The following ADGRL3 variants were observed in gnomAD, a reference collection of about 807,000 sequenced individuals.
ADGRL3 encodes calcium-independent alpha-latrotoxin receptor 3.
In ADGRL3, 62 loss-of-function variants were observed where a neutral mutation model predicts 153.5. The ratio of observed to expected loss-of-function variants is 0.40; its 90% CI spans 0.33 to 0.50. The LOEUF (loss-of-function observed/expected upper bound fraction) is 0.50. Among genes scored for constraint, ADGRL3 ranks in the 20% least tolerant of loss-of-function variants. The probability of loss-of-function intolerance (pLI) is 0.47; values close to 1 mark genes in which losing one functional copy is unlikely to be tolerated. For missense variants in ADGRL3, 1,641 were observed against 1,859.4 expected (o/e 0.88, Z 2.16); for synonymous variants, 710 against 672.5 (o/e 1.06, Z -0.86).
At chr4:61,784,422 A>G (rs533946723) in intron 8 of ADGRL3, among the ~76,000 whole-genome samples, 5 of 133,432 alleles carry the variant, frequency 3.7e-5, no homozygotes, top group African/African-American at 1.4e-4. Flanking sequence ...CAGCAAATAC[A>G]TATTAGTTGA....
At chr4:61,776,720 T>G (rs2097155705) in intron 8 of ADGRL3, among the ~76,000 whole-genome samples, 1 of 152,160 alleles carries the variant, frequency 6.6e-6, no homozygotes, top group Admixed American at 6.5e-5. Context: ...TTTATGTAAA[T>G]TAAATGTATC....
chr4:61,520,417 C>T (rs763206107), intron 4 of ADGRL3, among the ~76,000 whole-genome samples: 2 of 152,100 alleles, frequency 1.3e-5, no homozygotes, highest in Non-Finnish European at 2.9e-5. Context: ...CAACTTTTCA[C>T]TAGGAAAACA....
intron 8 of ADGRL3, 87 bp from the exon 9 acceptor site, chr4:61,813,722 T>A: frequency 1.4e-6 from 2 of 1,464,426 alleles, no homozygotes; most frequent in Non-Finnish European, 1.9e-6. Flanking sequence ...CAGTTTGGAG[T>A]GAAATAGTGT....
chr4:61,270,996 T>A (rs2093141895), intron 1 of ADGRL3, among the ~76,000 whole-genome samples: 1 of 151,684 alleles, frequency 6.6e-6, no homozygotes, highest in Admixed American at 6.6e-5. Context: ...ATTGAGAGCC[T>A]CCTATATGAG....
chr4:61,488,978 T>C (rs1272891848), intron 2 of ADGRL3, among the ~76,000 whole-genome samples: 1 of 152,022 alleles, frequency 6.6e-6, no homozygotes, highest in Non-Finnish European at 1.5e-5. Context: ...TGTTCTTCTA[T>C]CCCACTTACC....
chr4:61,242,640 A>G (rs1414758646), intron 1 of ADGRL3, among the ~76,000 whole-genome samples: 1 of 152,006 alleles, frequency 6.6e-6, no homozygotes, highest in Non-Finnish European at 1.5e-5. Flanking sequence ...TGCATTTTTT[A>G]TGAACATTAG....
chr4:61,418,252 A>G (rs1196319147), intron 2 of ADGRL3, among the ~76,000 whole-genome samples: 1 of 152,222 alleles, frequency 6.6e-6, no homozygotes, highest in Non-Finnish European at 1.5e-5. Context: ...GAAAGAGTAG[A>G]AGCGCAATTT....
At chr4:61,742,342 G>A (rs1224479768) in intron 8 of ADGRL3, among the ~76,000 whole-genome samples, 5 of 151,960 alleles carry the variant, frequency 3.3e-5, no homozygotes, top group African/African-American at 7.3e-5. Context: ...GCACTGGAGC[G>A]ATCTCGGCTC....
At chr4:61,701,674 T>C (rs555726990) in intron 6 of ADGRL3, among the ~76,000 whole-genome samples, 1 of 151,924 alleles carries the variant, frequency 6.6e-6, no homozygotes, top group South Asian at 2.1e-4. Flanking sequence ...TGACCTCAGG[T>C]GATACACCTG....
intron 1 of ADGRL3, among the ~76,000 whole-genome samples, chr4:61,205,993 T>A (rs572682510): frequency 8.0e-4 from 122 of 152,322 alleles, no homozygotes; most frequent in Admixed American, 1.4e-3. Flanking sequence ...GACATGTGCT[T>A]ATGGATTCAT....
chr4:61,610,154 T>C (rs1010071076), intron 5 of ADGRL3, among the ~76,000 whole-genome samples: 2 of 151,266 alleles, frequency 1.3e-5, no homozygotes, highest in Non-Finnish European at 2.9e-5. Flanking sequence ...TATATATATA[T>C]ATACTTCTTA....
At chr4:61,903,225 G>A (rs1408396945) in intron 11 of ADGRL3, among the ~76,000 whole-genome samples, 1 of 152,026 alleles carries the variant, frequency 6.6e-6, no homozygotes, top group South Asian at 2.1e-4. Flanking sequence ...CCCCTCAATA[G>A]CACCCATTAG....
intron 2 of ADGRL3, among the ~76,000 whole-genome samples, chr4:61,446,354 C>A (rs185590269): frequency 4.6e-5 from 7 of 152,112 alleles, no homozygotes; most frequent in Non-Finnish European, 7.4e-5. Context: ...TATATTTATT[C>A]ATGATTTCAG....
chr4:61,446,423 T>G (rs1004465380), intron 2 of ADGRL3, among the ~76,000 whole-genome samples: 20 of 152,212 alleles, frequency 1.3e-4, no homozygotes, highest in African/African-American at 4.8e-4. Context: ...AATTGATGTC[T>G]TATTTGAGCA....
At chr4:61,319,499 C>G (rs955546013) in intron 1 of ADGRL3, among the ~76,000 whole-genome samples, 1 of 152,066 alleles carries the variant, frequency 6.6e-6, no homozygotes, top group African/African-American at 2.4e-5. Flanking sequence ...TTGTGTTAGT[C>G]TAGAATTCCC....
intron 17 of ADGRL3, among the ~76,000 whole-genome samples, chr4:61,974,989 G>T (rs923780540): frequency 1.3e-5 from 2 of 152,092 alleles, no homozygotes; most frequent in Non-Finnish European, 2.9e-5. Flanking sequence ...TTAAAGAGAG[G>T]TCATTTATTC....
intron 8 of ADGRL3, among the ~76,000 whole-genome samples, chr4:61,780,693 A>G (rs1020262478): frequency 5.9e-5 from 9 of 152,178 alleles, no homozygotes; most frequent in Non-Finnish European, 4.4e-5. Context: ...ATGAAGAGCT[A>G]TTTTGAAATA....
At chr4:61,863,269 G>T (rs1471582056) in intron 9 of ADGRL3, among the ~76,000 whole-genome samples, 1 of 113,490 alleles carries the variant, frequency 8.8e-6, no homozygotes, top group Non-Finnish European at 1.6e-5. Flanking sequence ...ACGGAGTCTC[G>T]CTCTGTCGCC....
intron 2 of ADGRL3, among the ~76,000 whole-genome samples, chr4:61,416,705 G>A (rs1213564020): frequency 6.6e-6 from 1 of 152,104 alleles, no homozygotes; most frequent in Admixed American, 6.5e-5. Context: ...TAAAACAGTG[G>A]TGCCCAACCT....
Sources: gnomAD v4.1 joint callset for allele counts (sites outside exome capture counted in the v4.1 genomes callset) on GRCh38, gnomAD v4.1.1 for gene constraint, MANE v1.5 for transcripts, NCBI Gene and HGNC (gene_info 2026-07-23, HGNC 2026-07-21) for gene names.